The following LYRM4 variants were observed in gnomAD, a reference collection of about 807,000 sequenced individuals.
The protein encoded by LYRM4 is LYR motif-containing protein 4.
Under a neutral mutation model 11.7 loss-of-function variants are expected in LYRM4, and 9 were observed. The ratio of observed to expected loss-of-function variants is 0.77; its 90% CI spans 0.46 to 1.34. The LOEUF is 1.34. LYRM4 is among the 40% of genes most tolerant of loss of function. The probability of loss-of-function intolerance (pLI) is 0.00; values close to 1 mark genes in which losing one functional copy is unlikely to be tolerated. For synonymous variants in LYRM4, 42 were observed against 40.4 expected, an observed-to-expected ratio of 1.04 and a Z score of -0.15; for missense variants, 133 against 112.5, an observed-to-expected ratio of 1.18 and a Z score of -0.82.
chr6:5,200,483 T>G (rs887580347), intron 2 of LYRM4, among the ~76,000 whole-genome samples: 2 of 152,240 alleles, frequency 1.3e-5, no homozygotes, highest in African/African-American at 2.4e-5. Flanking sequence ...AAATTTTCAT[T>G]GTTTAATTTA....
chr6:5,160,054 T>TC (rs1758660061), intron 2 of LYRM4, among the ~76,000 whole-genome samples: 1 of 152,176 alleles, frequency 6.6e-6, no homozygotes, highest in African/African-American at 2.4e-5. Context: ...GGACCACCCA[T>TC]CCGGAAGTGA....
downstream of LYRM4, among the ~76,000 whole-genome samples, chr6:5,101,378 G>T (rs1762493689): frequency 6.6e-6 from 1 of 152,218 alleles, no homozygotes; most frequent in Non-Finnish European, 1.5e-5. Context: ...GAATGACAGA[G>T]GAGCTAATAG....
chr6:5,037,841 G>T, the LYRM4 span, among the ~76,000 whole-genome samples: 8 of 52,498 alleles, frequency 1.5e-4, no homozygotes, highest in East Asian at 2.6e-3. Context: ...CCTCCCGGAC[G>T]GGGCGGCTGG....
chr6:5,171,633 G>A (rs2127667440), intron 2 of LYRM4, among the ~76,000 whole-genome samples: 2 of 152,288 alleles, frequency 1.3e-5, no homozygotes, highest in African/African-American at 4.8e-5. Context: ...ATAAGCAGTT[G>A]TTACCATTTT....
At chr6:5,040,947 G>C in the LYRM4 span, among the ~76,000 whole-genome samples, 3 of 151,998 alleles carry the variant, frequency 2.0e-5, no homozygotes, top group Admixed American at 2.0e-4. Context: ...TGCATAAAGA[G>C]CCCCATATGC....
chr6:5,090,603 TCTCCTCTCAGGTGTGCGGTGGG>T, the LYRM4 span, among the ~76,000 whole-genome samples: 16 of 152,170 alleles, frequency 1.1e-4, no homozygotes, highest in Non-Finnish European at 1.8e-4. This position sits in a 1 kb window ranked among gnomAD's most constrained non-coding sequence, Gnocchi z 4.8. Context: ...CAGGGGATTT[TCTCCTCTCAGGTGTGCGGTGGG>T]CTTTCCATTC....
At position 5,110,459 on chromosome 6, in the gene LYRM4, C is replaced by T. The variant is rs147187455; in HGVS notation, c.208-968G>A. Among the ~76,000 whole-genome samples, 620 of 152,332 alleles carry T rather than the reference C, an allele frequency of 4.1e-3. 4 individuals are homozygous for T. The highest frequency in any genetic ancestry group is 0.014 in the African/African-American group (594 of 41,566). On this transcript the variant is annotated intron_variant, in intron 2 of 2. Transcript: ENST00000330636. ...TGTCACCAAGGACCGCCGCGCCGTC[C>T]ATCTGAGGTGTCCTGTTTTCCATGC...
Position 5,144,438 on chromosome 6 carries a change from C to A in LYRM4, c.208-34947G>T, listed in dbSNP as rs569575950. Among the ~76,000 whole-genome samples, 9 of 151,918 alleles carry A rather than the reference C, an allele frequency of 5.9e-5. No homozygotes were observed. In the East Asian group the frequency reaches 1.8e-3, roughly 30 times the overall value. ...AGATCACAAGCTCAGGAGATCGAGACCATCCTGGCTAACATGGTGAATCCC... is the reference window on the plus strand; with the variant it reads ...AGATCACAAGCTCAGGAGATCGAGAACATCCTGGCTAACATGGTGAATCCC... On this transcript the variant is annotated intron_variant, in intron 2 of 2. Coordinates refer to ENST00000330636, the MANE Select transcript of LYRM4 (RefSeq NM_020408.6).
intron 2 of LYRM4, among the ~76,000 whole-genome samples, chr6:5,114,028 G>T (rs1225517548): frequency 6.6e-6 from 1 of 152,196 alleles, no homozygotes; most frequent in Non-Finnish European, 1.5e-5. Context: ...ACACTCTCCA[G>T]ACTCCTGTGC....
the LYRM4 span, among the ~76,000 whole-genome samples, chr6:5,068,571 G>C: frequency 6.6e-6 from 1 of 152,090 alleles, no homozygotes; most frequent in African/African-American, 2.4e-5. The surrounding 1 kb of genome is among the most constrained non-coding windows in gnomAD (Gnocchi z 4.0). Context: ...GCTCTTCCAC[G>C]CCGCAGCCCT....
intron 2 of LYRM4, among the ~76,000 whole-genome samples, chr6:5,139,625 C>T (rs1757295720): frequency 6.6e-6 from 1 of 152,218 alleles, no homozygotes; most frequent in Non-Finnish European, 1.5e-5. Flanking sequence ...GATGTGTACA[C>T]AGACTATAAT....
chr6:5,139,830 C>T (rs1325346797), intron 2 of LYRM4, among the ~76,000 whole-genome samples: 2 of 143,414 alleles, frequency 1.4e-5, no homozygotes, highest in Non-Finnish European at 3.0e-5. Context: ...GCCTGTGACC[C>T]CAGCACTTTT....
the LYRM4 span, chr6:5,088,438 T>G: frequency 1.3e-5 from 2 of 152,228 alleles, no homozygotes; most frequent in Non-Finnish European, 2.9e-5. Flanking sequence ...GAAAGTACTA[T>G]TTGGTGGCAC....
chr6:5,036,766 A>G, the LYRM4 span, among the ~76,000 whole-genome samples: 1 of 152,202 alleles, frequency 6.6e-6, no homozygotes, highest in South Asian at 2.1e-4. Context: ...CTTCAGCCCA[A>G]CATCTTCTCC....
intron 2 of LYRM4, among the ~76,000 whole-genome samples, chr6:5,207,328 C>T (rs142354731): frequency 2.0e-5 from 3 of 148,406 alleles, no homozygotes; most frequent in African/African-American, 5.3e-5. Context: ...GAGTGCACAC[C>T]CTCATATACA....
chr6:5,088,842 G>T, the LYRM4 span: 2 of 152,194 alleles, frequency 1.3e-5, no homozygotes, highest in Admixed American at 6.5e-5. Context: ...TCAGGCAGGG[G>T]AATCTACCTG....
chr6:5,156,548 G>C (rs1306594647), intron 2 of LYRM4, among the ~76,000 whole-genome samples: 1 of 152,242 alleles, frequency 6.6e-6, no homozygotes, highest in African/African-American at 2.4e-5. Context: ...AATGGTGCAC[G>C]TGTGGAATGG....
chr6:5,229,003 C>CAAAAAAAAAAAAAAA (rs70974180), intron 1 of LYRM4, among the ~76,000 whole-genome samples: 2 of 37,980 alleles, frequency 5.3e-5, no homozygotes, highest in African/African-American at 2.3e-4. Context: ...GGCTCAGTCT[C>CAAAAAAAAAAAAAAA]AAAAAAAAAA....
downstream of LYRM4, chr6:5,108,294 A>G (rs551652816): frequency 1.3e-3 from 316 of 234,162 alleles, 1 homozygote; most frequent in Non-Finnish European, 1.9e-3. Flanking sequence ...AAATCCACTG[A>G]GCACTGTATG....
Sources: gnomAD v4.1 joint callset for allele counts (sites outside exome capture counted in the v4.1 genomes callset) on GRCh38, gnomAD v4.1.1 for gene constraint, Gnocchi (gnomAD v3.1) non-coding constraint, MANE v1.5 for transcripts, NCBI Gene and HGNC (gene_info 2026-07-23, HGNC 2026-07-21) for gene names.